Variants in KRT2 observed in about 807,000 individuals in gnomAD.
KRT2 encodes keratin, type II cytoskeletal 2 epidermal.
Under a neutral mutation model 48.5 loss-of-function variants are expected in KRT2, and 37 were observed. The ratio of observed to expected loss-of-function variants is 0.76; its 90% CI spans 0.59 to 1.00. The LOEUF is 1.00. Among genes scored for constraint, KRT2 ranks in the 50% least tolerant of loss-of-function variants. KRT2 has a pLI of 0.00. For synonymous variants in KRT2, 324 were observed against 312.2 expected (o/e 1.04, Z -0.40); for missense variants, 880 against 815.2 (o/e 1.08, Z -0.97).
intron 5 of KRT2, 122 bp downstream of exon 5, chr12:52,648,051 G>A: frequency 7.8e-7 from 1 of 1,281,416 alleles, no homozygotes; most frequent in Non-Finnish European, 1.1e-6. Flanking sequence ...ATCCTTTCTT[G>A]GGAATGGTGC....
rs779148766 is a variant in KRT2 at position 52,650,515 on chromosome 12, G to T, written c.624C>A (p.Thr208=). Residue 208 remains threonine, a synonymous_variant, in exon 2 of 9, where the codon ACC becomes ACA. Coordinates refer to ENST00000309680, the MANE Select transcript of KRT2 (RefSeq NM_000423.3). ...FLEQQNQVLQ[T]KWELLQQMNV... The stretch of plus-strand genomic sequence containing the variant: ...TCATTTGTTGTAGCAGCTCCCATTT[G>T]GTCTGTAACACCTGGTTCTGCTGCT... 1.5e-5 allele frequency: 25 copies of T among 1,612,930 alleles called. No homozygotes were observed. In the African/African-American group the frequency reaches 2.8e-4, roughly 18 times the overall value.
rs1279729635 is a variant in KRT2, at chr12:52,651,731, G to A, written c.412C>T (p.Pro138Ser). ...GPGGVGGLGG[P>S]GGFGPGGYPG... ...TATCCTCCAGGCCCAAAGCCACCAG[G>A]ACCCCCTAAACCTCCAACACCACCA... The change falls in exon 1 of 9, where the codon CCT becomes TCT. Residue 138 changes from proline to serine, a missense_variant. By Grantham distance (74) the Pro-to-Ser change is moderately conservative (BLOSUM62 -1). Transcript: ENST00000309680. The A allele has an allele frequency of 1.2e-6, 2 of 1,613,704 alleles. No homozygotes were observed. Among genetic ancestry groups the A allele is most frequent in the Middle Eastern group, 1.6e-4 (1 of 6,062 alleles).
rs370275805 is a variant in KRT2, at chr12:52,646,916, C to G, written c.1293G>C (p.Gly431=). The G allele has an allele frequency of 3.7e-6, 6 of 1,614,084 alleles. No homozygotes were observed. The highest frequency in any genetic ancestry group is 5.1e-6 in the Non-Finnish European group (6 of 1,180,048). The change falls in exon 7 of 9, where the codon GGG becomes GGC. Residue 431 remains glycine, a synonymous_variant. Transcript: ENST00000309680. The part of the protein sequence containing the change: ...QDAIADAEQR[G]EHALKDARNK... ...TCCTGGCATCCTTGAGGGCATGCTC[C>G]CCACGCTGCTCGGCATCTGCGATGG...
chr12:52,650,849 C>T (rs1250469676), intron 1 of KRT2, among the ~76,000 whole-genome samples: 2 of 152,188 alleles, frequency 1.3e-5, no homozygotes, highest in African/African-American at 4.8e-5. Flanking sequence ...CTCCCCGCAT[C>T]CTGGTTGAAT....
At chr12:52,650,305 T>G in intron 2 of KRT2, 34 bp downstream of exon 2, 2 of 1,567,214 alleles carry the variant, frequency 1.3e-6, no homozygotes, top group Non-Finnish European at 1.8e-6. Context: ...AGTGCAATGT[T>G]TATCTCCACT....
intron 1 of KRT2, chr12:52,650,765 G>A (rs1360992980): frequency 4.9e-6 from 3 of 613,726 alleles, no homozygotes; most frequent in African/African-American, 1.8e-5. Flanking sequence ...CTCTCTCCAC[G>A]CAGAGGAGAC....
intron 3 of KRT2, 113 bp from the exon 4 acceptor site, chr12:52,649,215 C>G (rs1592256551): frequency 1.3e-6 from 1 of 750,144 alleles, no homozygotes; most frequent in East Asian, 2.6e-5. Context: ...TCCCAGGCTC[C>G]CCAACCTGAT....
In KRT2 at chr12:52,645,563, A is replaced by G. The variant is rs1246956765; in HGVS notation, c.1476T>C (p.Ser492=). The change falls in exon 8 of 9, where the codon TCT becomes TCC. Residue 492 remains serine, a synonymous_variant. Coordinates refer to ENST00000309680, the MANE Select transcript of KRT2 (RefSeq NM_000423.3). ...CAGTCACATTGCTGCTGAGGTCTCC[A>G]GACATCCTGTAAGGGAGAGAGAAAA... ...KLLEGEECRM[S]GDLSSNVTVS... is the part of the protein sequence containing the mutation. 6.2e-7 allele frequency: 1 copy of G among 1,614,190 alleles called. No individual in the cohort carries two copies. The highest frequency in any genetic ancestry group is 8.5e-7 in the Non-Finnish European group (1 of 1,180,004).
At position 52,645,320 on chromosome 12, in the gene KRT2, C is replaced by T. The variant is rs753629170; in HGVS notation, c.1619G>A (p.Gly540Asp). The change falls in exon 9 of 9, where the codon GGC (glycine) becomes GAC (aspartate). Residue 540 changes from glycine (G) to aspartate (D), a missense_variant. Coordinates refer to ENST00000309680, the MANE Select transcript of KRT2 (RefSeq NM_000423.3). ...GGAGCCAGACTGTCGGCCTCCAGAGCCATAACTGCTGCTTCCAGAGCTGTA... is the reference window on the plus strand; with the variant it reads ...GGAGCCAGACTGTCGGCCTCCAGAGTCATAACTGCTGCTTCCAGAGCTGTA... The part of the protein sequence containing the change: ...GGYSSGSSSY[G>D]SGGRQSGSRG... The T allele has an allele frequency of 1.9e-6, 3 of 1,614,092 alleles. No homozygotes were observed. The highest frequency in any genetic ancestry group is 2.5e-6 in the Non-Finnish European group (3 of 1,180,048).
At chr12:52,647,005 A>G (rs1246579159) in intron 6 of KRT2, 45 bp from the exon 7 acceptor site, 10 of 1,568,930 alleles carry the variant, frequency 6.4e-6, no homozygotes, top group Non-Finnish European at 8.8e-6. Context: ...ACGGAGGCGG[A>G]CAGAGAGCAG....
chr12:52,648,032 A>G, intron 5 of KRT2, 141 bp downstream of exon 5: 2 of 1,219,168 alleles, frequency 1.6e-6, no homozygotes, highest in Non-Finnish European at 2.4e-6. Context: ...ACTTGGTGCC[A>G]TTCTCAACAT....
At position 52,649,945 on chromosome 12, in the gene KRT2, G is replaced by T; in HGVS notation, c.830C>A (p.Ala277Asp). The T allele has an allele frequency of 1.9e-6, 3 of 1,613,598 alleles. No homozygotes were observed. The highest frequency in any genetic ancestry group is 1.1e-5 in the South Asian group (1 of 91,056). Reference protein sequence around the residue: ...KYEDEINKRTAAENDFVTLKK... With the variant: ...KYEDEINKRTDAENDFVTLKK... ...AAGCGTCACAAAATCATTCTCAGCA[G>T]CTGTGCGCTTATTGATTTCATCCTC... The change falls in exon 3 of 9, where the codon GCT becomes GAT. Residue 277 changes from alanine (A) to aspartate (D), a missense_variant. Ala to Asp is a moderately radical substitution (Grantham distance 126). Coordinates refer to ENST00000309680, the MANE Select transcript of KRT2 (RefSeq NM_000423.3).
chr12:52,645,207 C>T lies in KRT2; in HGVS notation c.1732G>A (p.Gly578Ser). Residue 578 changes from glycine to serine, a missense_variant, in exon 9 of 9, where the codon GGC (glycine) becomes AGC (serine). Coordinates refer to ENST00000309680, the MANE Select transcript of KRT2 (RefSeq NM_000423.3). ...CCAGAGATGGACCCTCCCTTAGAGC[C>T]ACCACCAGATCCGTATCTTCCTCCA... ...GSGGRYGSGGGSKGGSISGGG... is the reference protein window; with the variant it reads ...GSGGRYGSGGSSKGGSISGGG... The T allele has an allele frequency of 6.2e-7, 1 of 1,614,018 alleles. No homozygotes were observed. Among genetic ancestry groups the T allele is most frequent in the Non-Finnish European group, 8.5e-7 (1 of 1,179,992 alleles).
chr12:52,645,287 C>A lies in KRT2; in HGVS notation c.1652G>T (p.Gly551Val). The A allele has an allele frequency of 7.4e-6, 12 of 1,614,234 alleles. No individual in the cohort carries two copies. Among genetic ancestry groups the A allele is most frequent in the Non-Finnish European group, 1.0e-5 (12 of 1,180,040 alleles). Residue 551 changes from glycine to valine, a missense_variant, in exon 9 of 9, where the codon GGT (glycine) becomes GTT (valine). Transcript: ENST00000309680. Reference sequence around the variant, plus strand: ...AGAGATAGAACCTCCTCCTCCACTACCGCCTCTGGAGCCAGACTGTCGGCC... The same window carrying A: ...AGAGATAGAACCTCCTCCTCCACTAACGCCTCTGGAGCCAGACTGTCGGCC... ...SGGRQSGSRG[G>V]SGGGGSISGG... is the part of the protein sequence containing the mutation.
Position 52,647,848 on chromosome 12 carries a change from T to C in KRT2, c.1130A>G (p.Glu377Gly). The C allele has an allele frequency of 6.2e-7, 1 of 1,614,140 alleles. No individual in the cohort carries two copies. The highest frequency in any genetic ancestry group is 1.3e-5 in the African/African-American group (1 of 75,050). ...ATGTCTCCCGACAGTCACCTGGAGC[T>C]CCTCATACTGATATGGGGAGAAGAG... ...AEALYHSKYE[E>G]LQVTVGRHGD... is the part of the protein sequence containing the mutation. The change falls in exon 6 of 9, where the codon GAG (glutamate) becomes GGG (glycine). Residue 377 changes from glutamate (E) to glycine (G), a missense_variant. Coordinates refer to ENST00000309680, the MANE Select transcript of KRT2 (RefSeq NM_000423.3).
rs781540628 is a variant in KRT2, at chr12:52,650,319, C to T, written c.800+20G>A. 12 of 1,597,478 alleles carry T rather than the reference C, an allele frequency of 7.5e-6. No individual in the cohort carries two copies. The South Asian group carries it at 8.8e-5, about 12-fold the overall frequency. ...CAGTGCAATGTTTATCTCCACTCAG[C>T]GTTTCACTCTGCCACCTACTTCTTC... On this transcript the variant is annotated intron_variant, in intron 2 of 8. Coordinates refer to ENST00000309680, the MANE Select transcript of KRT2 (RefSeq NM_000423.3).
In KRT2 at chr12:52,644,890, C is replaced by T; in HGVS notation, c.*129G>A. The T allele has an allele frequency of 7.3e-6, 7 of 960,348 alleles. No individual in the cohort carries two copies. Among genetic ancestry groups the T allele is most frequent in the Non-Finnish European group, 1.1e-5 (7 of 623,802 alleles). 59.5% of individuals were successfully genotyped at this position (960,348 alleles called of 1,614,324 possible). On this transcript the variant is annotated 3_prime_UTR_variant, in exon 9 of 9. Coordinates refer to ENST00000309680, the MANE Select transcript of KRT2 (RefSeq NM_000423.3). ...AAACTGTATGTGGACATTCTTTTCCCTCAAAGTGCCATCAGAGATAAATGA... is the reference window on the plus strand; with the variant it reads ...AAACTGTATGTGGACATTCTTTTCCTTCAAAGTGCCATCAGAGATAAATGA...
intron 5 of KRT2, 86 bp downstream of exon 5, chr12:52,648,087 A>G: frequency 2.7e-6 from 4 of 1,479,786 alleles, no homozygotes; most frequent in Non-Finnish European, 3.8e-6. Flanking sequence ...CAAAAAACCA[A>G]TAACCTTACT....
At position 52,645,122 on chromosome 12, in the gene KRT2, G is replaced by A. The variant is rs746933813; in HGVS notation, c.1817C>T (p.Ser606Phe). The A allele has an allele frequency of 1.6e-5, 26 of 1,613,454 alleles. No homozygotes were observed. The highest frequency in any genetic ancestry group is 5.0e-5 in the Admixed American group (3 of 59,956). ...AGAGCCATATCCTCCTCCAGAGCTG[G>A]AGCCTCCTCTAGAGCCACCTCCAGA... is the stretch of plus-strand genomic sequence containing the variant. Reference protein sequence around the residue: ...HSSGGGSRGGSSSGGGYGSGG... With the variant: ...HSSGGGSRGGFSSGGGYGSGG... Residue 606 changes from serine (S) to phenylalanine (F), a missense_variant, in exon 9 of 9, where the codon TCC becomes TTC. By Grantham distance (155) the Ser-to-Phe change is radical. Coordinates refer to ENST00000309680, the MANE Select transcript of KRT2 (RefSeq NM_000423.3).
Sources: gnomAD v4.1 joint callset for allele counts (sites outside exome capture counted in the v4.1 genomes callset) on GRCh38, gnomAD v4.1.1 for gene constraint, MANE v1.5 for transcripts, NCBI Gene and HGNC (gene_info 2026-07-23, HGNC 2026-07-21) for gene names.